Variants in SIPA1L1 observed in about 807,000 individuals in gnomAD.
The protein encoded by SIPA1L1 is signal induced proliferation associated 1 like 1, also known as signal-induced proliferation-associated 1-like protein 1.
A neutral mutation model predicts 162.7 loss-of-function variants in SIPA1L1; 26 were observed. The observed-to-expected ratio is 0.16, with a 90% CI of 0.12 to 0.22. SIPA1L1 has a LOEUF of 0.22. SIPA1L1 is among the 10% of genes least tolerant of loss of function. The pLI, the probability that SIPA1L1 is intolerant of heterozygous loss-of-function variation, is 1.00. For missense variants in SIPA1L1, 1,874 were observed against 2,241.0 expected (o/e 0.84, Z 3.31); for synonymous variants, 829 against 837.4 (o/e 0.99, Z 0.17).
chr14:71,480,162 A>G (rs1460521913), intron 2 of SIPA1L1, among the ~76,000 whole-genome samples: 1 of 150,562 alleles, frequency 6.6e-6, no homozygotes, highest in South Asian at 2.1e-4. Flanking sequence ...GGCTCACTGC[A>G]ACGTCCACCT....
rs933809772 is a variant in SIPA1L1 at position 71,539,976 on chromosome 14, A to G, written c.-303+10606A>G. Among the ~76,000 whole-genome samples, 14 of 152,358 alleles carry G rather than the reference A, an allele frequency of 9.2e-5. No homozygotes were observed. The East Asian group carries it at 2.7e-3, about 29-fold the overall frequency. Reference sequence around the variant, plus strand: ...CATTATCTGAGCAGGCGCCTCATCCAGTGGGACGATGCCATCCACATTTGG... The same window carrying G: ...CATTATCTGAGCAGGCGCCTCATCCGGTGGGACGATGCCATCCACATTTGG... On this transcript the variant is annotated intron_variant, in intron 4 of 23. Transcript: ENST00000381232.
intron 12 of SIPA1L1, among the ~76,000 whole-genome samples, chr14:71,678,851 C>T (rs1210468405): frequency 6.6e-6 from 1 of 151,416 alleles, no homozygotes; most frequent in Non-Finnish European, 1.5e-5. Context: ...TCAACTTCTT[C>T]CTGGTTTAGT....
chr14:71,552,750 A>C (rs974418007), intron 4 of SIPA1L1, among the ~76,000 whole-genome samples: 7 of 152,192 alleles, frequency 4.6e-5, no homozygotes, highest in Admixed American at 6.5e-5. Context: ...CCTTAGTATG[A>C]AAGTTCAGTC....
At chr14:71,484,380 AAAACCCTTT>A (rs2048587373) in intron 2 of SIPA1L1, among the ~76,000 whole-genome samples, 1 of 151,382 alleles carries the variant, frequency 6.6e-6, no homozygotes, top group South Asian at 2.1e-4. Flanking sequence ...TTAAATATTT[AAAACCCTTT>A]AAGTAATTAG....
At chr14:71,623,417 T>C (rs2039649755) in intron 6 of SIPA1L1, among the ~76,000 whole-genome samples, 1 of 152,176 alleles carries the variant, frequency 6.6e-6, no homozygotes, top group Middle Eastern at 3.2e-3. Context: ...CGTAGGAAAA[T>C]GTCTTTGCTT....
At chr14:71,731,794 A>G (rs1204992) in intron 20 of SIPA1L1, among the ~76,000 whole-genome samples, 106,405 of 152,090 alleles carry the variant, frequency 0.7, 39,313 homozygotes, top group East Asian at 0.95. Flanking sequence ...AGGGACAGGC[A>G]GCCCTCTCTG....
chr14:71,432,194 C>G (rs2044039792), intron 2 of SIPA1L1, among the ~76,000 whole-genome samples: 1 of 152,098 alleles, frequency 6.6e-6, no homozygotes, highest in African/African-American at 2.4e-5. Context: ...CCTGTTTCAG[C>G]CTCCGGAGTA....
At chr14:71,349,145 T>C (rs2036455764) in intron 2 of SIPA1L1, among the ~76,000 whole-genome samples, 1 of 152,226 alleles carries the variant, frequency 6.6e-6, no homozygotes, top group Non-Finnish European at 1.5e-5. Context: ...AGGAAAACTT[T>C]CTATGCTTAC....
intron 15 of SIPA1L1, among the ~76,000 whole-genome samples, chr14:71,704,292 A>G (rs989099768): frequency 4.6e-5 from 7 of 152,198 alleles, no homozygotes; most frequent in African/African-American, 7.2e-5. Context: ...TGAGTATATA[A>G]TGGGCTGACC....
At chr14:71,512,589 A>C (rs1243979222) in intron 2 of SIPA1L1, among the ~76,000 whole-genome samples, 154 bp from the exon 3 acceptor site, 1 of 148,072 alleles carries the variant, frequency 6.8e-6, no homozygotes, top group African/African-American at 2.5e-5. Flanking sequence ...CTGTCTCAAA[A>C]AAAAAAAAAA....
intron 2 of SIPA1L1, among the ~76,000 whole-genome samples, chr14:71,445,652 ACT>A (rs1165994578): frequency 2.6e-5 from 4 of 152,144 alleles, no homozygotes; most frequent in African/African-American, 4.8e-5. Flanking sequence ...AATGTAAAAC[ACT>A]CTCAGTGTAA....
At chr14:71,736,067 C>G (rs952833820) in intron 22 of SIPA1L1, among the ~76,000 whole-genome samples, 1 of 152,306 alleles carries the variant, frequency 6.6e-6, no homozygotes, top group African/African-American at 2.4e-5. Context: ...CTTCTTGTTG[C>G]AGAATAATTT....
Position 71,723,899 on chromosome 14 carries a change from T to G in SIPA1L1, c.4448+13T>G. On this transcript the variant is annotated intron_variant, in intron 18 of 23. Coordinates refer to ENST00000381232, the MANE Select transcript of SIPA1L1 (RefSeq NM_001386936.1). ...TGGACACGAGAAAGTAAGAGTTACT[T>G]TCCTTCCCTTGCTGGTGGCTTGCTT... 6.2e-7 allele frequency: 1 copy of G among 1,613,670 alleles called. No homozygotes were observed. Among genetic ancestry groups the G allele is most frequent in the Non-Finnish European group, 8.5e-7 (1 of 1,179,720 alleles).
chr14:71,476,231 G>T (rs2047836637), intron 2 of SIPA1L1, among the ~76,000 whole-genome samples: 1 of 152,192 alleles, frequency 6.6e-6, no homozygotes, highest in South Asian at 2.1e-4. Flanking sequence ...GTAGAGATGG[G>T]CCTGGATTGT....
intron 2 of SIPA1L1, among the ~76,000 whole-genome samples, chr14:71,444,675 A>G (rs1049885471): frequency 6.6e-6 from 1 of 152,102 alleles, no homozygotes; most frequent in Non-Finnish European, 1.5e-5. Context: ...TCCCTGGAGA[A>G]TGGTGTCATG....
At chr14:71,631,039 C>T (rs1306038383) in intron 7 of SIPA1L1, among the ~76,000 whole-genome samples, 1 of 152,224 alleles carries the variant, frequency 6.6e-6, no homozygotes, top group East Asian at 1.9e-4. Context: ...CAGCCCCTGA[C>T]AGGCCTGTGT....
At chr14:71,410,405 T>C (rs2140280805) in intron 2 of SIPA1L1, among the ~76,000 whole-genome samples, 1 of 152,346 alleles carries the variant, frequency 6.6e-6, no homozygotes, top group Middle Eastern at 3.4e-3. Flanking sequence ...CTCTAGCTAA[T>C]TCATAATCTA....
Position 71,588,645 on chromosome 14 carries a change from C to G in SIPA1L1, c.773C>G (p.Ser258Cys). ...GGTGGTGGCAAGGGTTCTGGTTTCT[C>G]TTTGGATGTAATAGACGGGCCTATC... Reference protein sequence around the residue: ...ITGGGKGSGFSLDVIDGPISQ... With the variant: ...ITGGGKGSGFCLDVIDGPISQ... Residue 258 changes from serine to cysteine, a missense_variant, in exon 5 of 24, where the codon TCT (serine) becomes TGT (cysteine). Physicochemically the swap from Ser to Cys is moderately radical, Grantham distance 112. Transcript: ENST00000381232. This position sits in a 1 kb window ranked among gnomAD's most constrained non-coding sequence, Gnocchi z 4.3. The G allele has an allele frequency of 6.2e-7, 1 of 1,614,020 alleles. No homozygotes were observed. The highest frequency in any genetic ancestry group is 8.5e-7 in the Non-Finnish European group (1 of 1,179,954).
At chr14:71,362,763 A>G (rs1566932743) in intron 2 of SIPA1L1, among the ~76,000 whole-genome samples, 1 of 152,174 alleles carries the variant, frequency 6.6e-6, no homozygotes, top group Non-Finnish European at 1.5e-5. Flanking sequence ...AATTTCCAAG[A>G]TTTTTATGAA....
Sources: gnomAD v4.1 joint callset for allele counts (sites outside exome capture counted in the v4.1 genomes callset) on GRCh38, gnomAD v4.1.1 for gene constraint, Gnocchi (gnomAD v3.1) non-coding constraint, MANE v1.5 for transcripts, NCBI Gene and HGNC (gene_info 2026-07-23, HGNC 2026-07-21) for gene names.